Variants in GLIS3 observed in about 807,000 individuals in gnomAD.
GLIS3 encodes GLIS family zinc finger 3, also known as zinc finger protein GLIS3.
Under a neutral mutation model 78.6 loss-of-function variants are expected in GLIS3, and 53 were observed. The ratio of observed to expected loss-of-function variants is 0.67; its 90% CI spans 0.54 to 0.85. GLIS3 has a LOEUF of 0.85. Among genes scored for constraint, GLIS3 ranks in the 40% least tolerant of loss-of-function variants. GLIS3 has a pLI of 0.00. For missense variants in GLIS3, 1,703 were observed against 1,231.1 expected (o/e 1.38, Z -5.74); for synonymous variants, 684 against 509.9 (o/e 1.34, Z -4.60).
chr9:4,271,940 T>C (rs538702076), intron 2 of GLIS3, among the ~76,000 whole-genome samples: 5 of 152,284 alleles, frequency 3.3e-5, no homozygotes, highest in Non-Finnish European at 7.4e-5. Context: ...TCTTCAACAC[T>C]TCATTTTCTT....
At chr9:4,287,247 G>A (rs1828079598) in intron 1 of GLIS3, among the ~76,000 whole-genome samples, 1 of 152,186 alleles carries the variant, frequency 6.6e-6, no homozygotes, top group Non-Finnish European at 1.5e-5. Context: ...CTTACAGGGA[G>A]CATAAGGAGA....
the GLIS3 span, among the ~76,000 whole-genome samples, chr9:4,361,906 C>T: frequency 6.6e-6 from 1 of 152,138 alleles, no homozygotes; most frequent in African/African-American, 2.4e-5. Context: ...GTTGTTTTTG[C>T]AAGTTTGGAA....
chr9:3,955,673 T>C (rs981780453), intron 4 of GLIS3, among the ~76,000 whole-genome samples: 2 of 152,122 alleles, frequency 1.3e-5, no homozygotes, highest in Non-Finnish European at 2.9e-5. Context: ...GAACTAAGCA[T>C]GAAAAGTAGC....
chr9:4,426,976 CAG>C, the GLIS3 span, among the ~76,000 whole-genome samples: 1 of 152,168 alleles, frequency 6.6e-6, no homozygotes, highest in African/African-American at 2.4e-5. Context: ...TGGATGAGGA[CAG>C]AGAGTAGAGC....
the GLIS3 span, among the ~76,000 whole-genome samples, chr9:4,435,760 T>G: frequency 6.6e-6 from 1 of 151,980 alleles, no homozygotes; most frequent in Non-Finnish European, 1.5e-5. Flanking sequence ...CCATCCTGGC[T>G]AATACAGTGA....
chr9:4,397,638 GA>G, the GLIS3 span, among the ~76,000 whole-genome samples: 1 of 122,594 alleles, frequency 8.2e-6, no homozygotes, highest in Non-Finnish European at 1.6e-5. Context: ...AAGGAAGGAA[GA>G]AAAGGAAGGA....
chr9:4,157,591 A>T (rs932862862), intron 2 of GLIS3, among the ~76,000 whole-genome samples: 2 of 152,346 alleles, frequency 1.3e-5, no homozygotes, highest in Admixed American at 1.3e-4. Context: ...ATATGTTATT[A>T]TTACTAGGCC....
intron 7 of GLIS3, among the ~76,000 whole-genome samples, chr9:3,894,076 A>T (rs1371351809): frequency 6.6e-6 from 1 of 152,032 alleles, no homozygotes; most frequent in Non-Finnish European, 1.5e-5. Flanking sequence ...GACTTTGCCA[A>T]ATGTTTACCT....
intron 7 of GLIS3, among the ~76,000 whole-genome samples, chr9:3,884,686 C>T (rs773893253): frequency 3.9e-5 from 6 of 152,146 alleles, no homozygotes; most frequent in Non-Finnish European, 5.9e-5. Flanking sequence ...TCTTTATAAA[C>T]ATTTCCCCAG....
At chr9:3,867,882 G>C (rs564993847) in intron 8 of GLIS3, among the ~76,000 whole-genome samples, 1 of 152,228 alleles carries the variant, frequency 6.6e-6, no homozygotes, top group African/African-American at 2.4e-5. Flanking sequence ...CCTCTCATGG[G>C]ATGCTAAATG....
At chr9:4,429,633 G>A in the GLIS3 span, among the ~76,000 whole-genome samples, 2 of 152,216 alleles carry the variant, frequency 1.3e-5, no homozygotes, top group East Asian at 3.9e-4. Context: ...ATGACTATTT[G>A]ATTAGTTCTG....
At chr9:4,463,064 T>G in the GLIS3 span, among the ~76,000 whole-genome samples, 1 of 152,216 alleles carries the variant, frequency 6.6e-6, no homozygotes, top group African/African-American at 2.4e-5. Flanking sequence ...GAGAGATAAG[T>G]AGCATTTCTT....
At chr9:4,487,118 G>A in the GLIS3 span, among the ~76,000 whole-genome samples, 485 of 152,262 alleles carry the variant, frequency 3.2e-3, 5 homozygotes, top group Non-Finnish European at 5.3e-3. Context: ...TCCTGCCTCA[G>A]CCTCTCGAGT....
At chr9:4,266,973 G>A (rs753808469) in intron 2 of GLIS3, among the ~76,000 whole-genome samples, 15 of 152,074 alleles carry the variant, frequency 9.9e-5, no homozygotes, top group East Asian at 1.9e-4. Context: ...GATATAACCC[G>A]TTTATGGAAA....
intron 4 of GLIS3, among the ~76,000 whole-genome samples, chr9:4,026,331 C>G (rs1035141699): frequency 1.4e-4 from 22 of 152,168 alleles, no homozygotes; most frequent in Non-Finnish European, 8.8e-5. Context: ...CTAGCAAACA[C>G]AAATTATTTT....
chr9:4,350,300 G>A (rs1258835263), upstream of GLIS3, among the ~76,000 whole-genome samples: 1 of 152,300 alleles, frequency 6.6e-6, no homozygotes, highest in Admixed American at 6.5e-5. Context: ...AACTGGGCAC[G>A]TTTAAATCAA....
chr9:3,981,477 A>G (rs1048466483), intron 4 of GLIS3, among the ~76,000 whole-genome samples: 1 of 151,900 alleles, frequency 6.6e-6, no homozygotes, highest in African/African-American at 2.4e-5. Flanking sequence ...CTCAGCCATC[A>G]CCTCCTTCTG....
chr9:3,903,590 G>A (rs1342813904), intron 6 of GLIS3, among the ~76,000 whole-genome samples: 2 of 152,064 alleles, frequency 1.3e-5, no homozygotes, highest in Admixed American at 6.5e-5. Context: ...TTCATTTGTC[G>A]AACAAATATT....
intron 4 of GLIS3, among the ~76,000 whole-genome samples, chr9:4,001,924 T>C (rs568086817): frequency 1.2e-4 from 18 of 152,314 alleles, no homozygotes; most frequent in African/African-American, 4.1e-4. Flanking sequence ...CTGGCCTGCC[T>C]GGGTGGTTCT....
Sources: gnomAD v4.1 joint callset for allele counts (sites outside exome capture counted in the v4.1 genomes callset) on GRCh38, gnomAD v4.1.1 for gene constraint, MANE v1.5 for transcripts, NCBI Gene and HGNC (gene_info 2026-07-23, HGNC 2026-07-21) for gene names.